The following EYS variants were observed in gnomAD, a reference collection of about 807,000 sequenced individuals.
The protein encoded by EYS is EGF-like photoreceptor maintenance factor, also known as protein eyes shut homolog.
In EYS, 250 loss-of-function variants were observed where a neutral mutation model predicts 282.1. The observed-to-expected ratio is 0.89, with a 90% CI of 0.80 to 0.98. The LOEUF (loss-of-function observed/expected upper bound fraction) is 0.98. EYS is among the 50% of genes least tolerant of loss of function. EYS has a pLI of 0.00. For missense variants in EYS, 4,016 were observed against 3,709.0 expected, an observed-to-expected ratio of 1.08 and a Z score of -2.15; for synonymous variants, 1,355 against 1,282.9, an observed-to-expected ratio of 1.06 and a Z score of -1.20.
Position 64,891,936 on chromosome 6 carries a change from A to G in EYS, c.2847-5094T>C, listed in dbSNP as rs1767304225. ...AAGTTTTAGAATTAAACTTAAATATATTGTCAAAGTATTGAAATAATTCAT... is the reference window on the plus strand; with the variant it reads ...AAGTTTTAGAATTAAACTTAAATATGTTGTCAAAGTATTGAAATAATTCAT... On this transcript the variant is annotated intron_variant, in intron 18 of 42. Coordinates refer to ENST00000503581, the MANE Select transcript of EYS (RefSeq NM_001142800.2). 3.9e-5 allele frequency among the ~76,000 whole-genome samples: 6 copies of G among 152,072 alleles called. 1 individual carries two copies. The highest frequency in any genetic ancestry group is 3.3e-4 in the Admixed American group (5 of 15,246).
chr6:63,825,760 A>G (rs1771443571), intron 36 of EYS, among the ~76,000 whole-genome samples: 1 of 152,162 alleles, frequency 6.6e-6, no homozygotes, highest in African/African-American at 2.4e-5. Flanking sequence ...TCGGCCCTAG[A>G]CCTTCCCTCT....
At chr6:64,897,748 GAGA>G (rs1767521349) in intron 18 of EYS, among the ~76,000 whole-genome samples, 1 of 152,148 alleles carries the variant, frequency 6.6e-6, no homozygotes, top group African/African-American at 2.4e-5. Context: ...AACCAGTTTA[GAGA>G]AGAACATAAA....
chr6:63,887,516 T>A (rs116816692), intron 35 of EYS, among the ~76,000 whole-genome samples: 2,937 of 151,958 alleles, frequency 0.019, 36 homozygotes, highest in Non-Finnish European at 0.033. Flanking sequence ...GTGGGCAGAA[T>A]CAGGGAGGGG....
At chr6:65,505,691 T>C (rs975890692) in intron 2 of EYS, among the ~76,000 whole-genome samples, 8 of 152,282 alleles carry the variant, frequency 5.3e-5, no homozygotes, top group African/African-American at 1.9e-4. Flanking sequence ...TCAAATAATT[T>C]GACATTTCTT....
At position 64,873,425 on chromosome 6, in the gene EYS, C is replaced by A. The variant is rs568279018; in HGVS notation, c.2992+13272G>T. Among the ~76,000 whole-genome samples, 3 of 152,056 alleles carry A rather than the reference C, an allele frequency of 2.0e-5. No homozygotes were observed. The South Asian group carries it at 6.2e-4, about 31-fold the overall frequency. On this transcript the variant is annotated intron_variant, in intron 19 of 42. Coordinates refer to ENST00000503581, the MANE Select transcript of EYS (RefSeq NM_001142800.2). ...GTGAAATTAATTTTCCACTACAACA[C>A]CAGAGGAAAGAATCCTTTCAAACAT...
At chr6:65,579,365 T>G (rs1764791551) in intron 2 of EYS, among the ~76,000 whole-genome samples, 1 of 152,172 alleles carries the variant, frequency 6.6e-6, no homozygotes, top group African/African-American at 2.4e-5. Flanking sequence ...TATGCTGATA[T>G]TTGTACAGAA....
intron 31 of EYS, among the ~76,000 whole-genome samples, chr6:64,151,317 TTATATA>T (rs61575285): frequency 0.02 from 1,047 of 52,382 alleles, 15 homozygotes; most frequent in Middle Eastern, 0.038. Flanking sequence ...GTGTGTATAT[TTATATA>T]TATATATATA....
intron 26 of EYS, among the ~76,000 whole-genome samples, chr6:64,552,356 T>G (rs557458807): frequency 6.6e-6 from 1 of 152,340 alleles, no homozygotes; most frequent in African/African-American, 2.4e-5. Context: ...CTGTCTCTTG[T>G]CGGGGAAAAT....
chr6:64,250,218 G>A (rs1363773052), intron 30 of EYS, among the ~76,000 whole-genome samples: 2 of 152,094 alleles, frequency 1.3e-5, no homozygotes, highest in Non-Finnish European at 2.9e-5. Flanking sequence ...TTAGAAAAGT[G>A]GAAACTTGAG....
chr6:65,598,238 AC>A (rs869129603), intron 2 of EYS, among the ~76,000 whole-genome samples: 1,070 of 14,510 alleles, frequency 0.074, 51 homozygotes, highest in African/African-American at 0.19. Flanking sequence ...CTCCCCACCC[AC>A]CCCCCCCCCA....
At chr6:63,777,666 C>CATATGAAAGCAAATCCCA (rs1390808553) in intron 40 of EYS, 1 of 188,798 alleles carries the variant, frequency 5.3e-6, no homozygotes, top group Admixed American at 5.6e-5. Flanking sequence ...CTCAAACCTA[C>CATATGAAAGCAAATCCCA]ATATGAAAGC....
At chr6:64,777,810 T>G (rs73448448) in intron 22 of EYS, among the ~76,000 whole-genome samples, 98 of 152,228 alleles carry the variant, frequency 6.4e-4, no homozygotes, top group Middle Eastern at 3.4e-3. Flanking sequence ...CTGAGGAAAT[T>G]GCCATGAATT....
At chr6:64,618,977 G>A (rs983800520) in intron 23 of EYS, among the ~76,000 whole-genome samples, 10 of 152,004 alleles carry the variant, frequency 6.6e-5, no homozygotes, top group African/African-American at 2.2e-4. Flanking sequence ...TATAAAATTC[G>A]AATGCATATG....
intron 35 of EYS, among the ~76,000 whole-genome samples, chr6:63,916,874 A>C (rs1204498376): frequency 6.6e-6 from 1 of 152,248 alleles, no homozygotes; most frequent in Admixed American, 6.5e-5. Flanking sequence ...TGAAACATGC[A>C]GTGACAGTAA....
intron 12 of EYS, among the ~76,000 whole-genome samples, chr6:65,163,281 G>A (rs968133956): frequency 4.6e-5 from 7 of 150,970 alleles, no homozygotes; most frequent in East Asian, 3.9e-4. Context: ...AACACAGTTC[G>A]TAAGGTTTAA....
chr6:65,293,728 G>A (rs1289265076), intron 12 of EYS, among the ~76,000 whole-genome samples: 1 of 151,828 alleles, frequency 6.6e-6, no homozygotes, highest in African/African-American at 2.4e-5. Flanking sequence ...CTCCTAACGT[G>A]GGGCCAATAA....
intron 31 of EYS, among the ~76,000 whole-genome samples, chr6:64,137,162 G>T (rs1774188733): frequency 6.6e-6 from 1 of 152,096 alleles, no homozygotes; most frequent in Non-Finnish European, 1.5e-5. Context: ...ACCTCTGCTG[G>T]CTTCAGACTT....
intron 13 of EYS, among the ~76,000 whole-genome samples, chr6:65,012,757 C>A (rs1282867209): frequency 1.5e-5 from 2 of 134,342 alleles, no homozygotes; most frequent in African/African-American, 5.7e-5. Flanking sequence ...AAAATAAGAG[C>A]AATAAAACTG....
At chr6:65,151,383 A>T (rs1288952098) in intron 12 of EYS, among the ~76,000 whole-genome samples, 1 of 151,994 alleles carries the variant, frequency 6.6e-6, no homozygotes, top group Non-Finnish European at 1.5e-5. Context: ...TATAATCCGA[A>T]GAAAGTTTTT....
Sources: gnomAD v4.1 joint callset for allele counts (sites outside exome capture counted in the v4.1 genomes callset) on GRCh38, gnomAD v4.1.1 for gene constraint, MANE v1.5 for transcripts, NCBI Gene and HGNC (gene_info 2026-07-23, HGNC 2026-07-21) for gene names.